Variants in KCNH5 observed in about 807,000 individuals in gnomAD.
KCNH5 encodes the protein voltage-gated delayed rectifier potassium channel KCNH5.
A neutral mutation model predicts 96.1 loss-of-function variants in KCNH5; 46 were observed. The observed-to-expected ratio is 0.48, with a 90% confidence interval of 0.38 to 0.61. The LOEUF is 0.61. Among genes scored for constraint, KCNH5 ranks in the 20% least tolerant of loss-of-function variants. The pLI, the probability that KCNH5 is intolerant of heterozygous loss-of-function variation, is 0.00. For missense variants in KCNH5, 907 were observed against 1,225.8 expected, an observed-to-expected ratio of 0.74 and a Z score of 3.88; for synonymous variants, 439 against 449.8, an observed-to-expected ratio of 0.98 and a Z score of 0.30.
chr14:62,818,109 C>CGGG (rs561437417), intron 8 of KCNH5, among the ~76,000 whole-genome samples: 30 of 36,110 alleles, frequency 8.3e-4, no homozygotes, highest in African/African-American at 2.7e-3. Context: ...GAGCTGGGGG[C>CGGG]GGGGGGGGGG....
intron 10 of KCNH5, among the ~76,000 whole-genome samples, chr14:62,733,278 C>T (rs139014947): frequency 7.9e-5 from 12 of 151,998 alleles, no homozygotes; most frequent in Non-Finnish European, 1.2e-4. Context: ...TATTTGAAGA[C>T]GAATTAGTCC....
At chr14:62,828,610 T>C (rs1210395722) in intron 8 of KCNH5, among the ~76,000 whole-genome samples, 1 of 152,146 alleles carries the variant, frequency 6.6e-6, no homozygotes, top group East Asian at 1.9e-4. Flanking sequence ...ACTCACTCAC[T>C]GTCATGAGAG....
chr14:62,737,336 G>C (rs752202480), intron 10 of KCNH5, among the ~76,000 whole-genome samples: 2 of 152,116 alleles, frequency 1.3e-5, no homozygotes, highest in Non-Finnish European at 2.9e-5. Flanking sequence ...TGCATGAATA[G>C]GTTATATCTT....
At chr14:62,940,558 T>C (rs1362037912) in intron 7 of KCNH5, among the ~76,000 whole-genome samples, 1 of 152,204 alleles carries the variant, frequency 6.6e-6, no homozygotes, top group Non-Finnish European at 1.5e-5. Context: ...CTTTTTGACA[T>C]CTTGGTTCTT....
rs578111225 is a variant in KCNH5 at position 62,716,600 on chromosome 14, C to T, written c.2020-8145G>A. Among the ~76,000 whole-genome samples, 114 of 152,276 alleles carry T rather than the reference C, an allele frequency of 7.5e-4. 1 individual carries two copies. The highest frequency in any genetic ancestry group is 2.7e-3 in the African/African-American group (111 of 41,540). ...GAACTCCTACTTGTCCTGTGATACT[C>T]AGCTCAACTGTGTCCTTCTTTATAA... On this transcript the variant is annotated intron_variant, in intron 10 of 10. Transcript: ENST00000322893.
At chr14:63,044,611 G>A (rs886275492) in intron 1 of KCNH5, among the ~76,000 whole-genome samples, 2 of 152,022 alleles carry the variant, frequency 1.3e-5, no homozygotes, top group African/African-American at 4.8e-5. Flanking sequence ...TACTCTCCCC[G>A]GCACAAAGCA....
intron 8 of KCNH5, among the ~76,000 whole-genome samples, chr14:62,803,537 C>T (rs1258132687): frequency 6.6e-6 from 1 of 152,090 alleles, no homozygotes; most frequent in Non-Finnish European, 1.5e-5. Flanking sequence ...GTATGGCAGT[C>T]CTTGTTCATT....
intron 7 of KCNH5, among the ~76,000 whole-genome samples, chr14:62,928,876 C>T (rs1889526483): frequency 6.6e-6 from 1 of 151,976 alleles, no homozygotes; most frequent in Admixed American, 6.6e-5. Context: ...GTGCTTAGAC[C>T]TCTTCTCTAT....
chr14:62,739,137 A>G (rs1297653877), intron 10 of KCNH5, among the ~76,000 whole-genome samples: 1 of 152,192 alleles, frequency 6.6e-6, no homozygotes, highest in Non-Finnish European at 1.5e-5. Context: ...TGTGAACATT[A>G]AAAATGTCAA....
intron 8 of KCNH5, among the ~76,000 whole-genome samples, chr14:62,828,105 T>G (rs531781547): frequency 6.6e-6 from 1 of 152,156 alleles, no homozygotes; most frequent in African/African-American, 2.4e-5. Flanking sequence ...ATTTATCTTC[T>G]GACCTTGATC....
At chr14:62,819,461 A>C (rs532906968) in intron 8 of KCNH5, among the ~76,000 whole-genome samples, 1 of 152,222 alleles carries the variant, frequency 6.6e-6, no homozygotes, top group African/African-American at 2.4e-5. Context: ...GGTGCAGGGG[A>C]GGTTGAAATA....
chr14:62,983,434 GTGTA>G (rs1449043374), intron 5 of KCNH5, among the ~76,000 whole-genome samples: 1 of 150,184 alleles, frequency 6.7e-6, no homozygotes, highest in Non-Finnish European at 1.5e-5. Context: ...GTGTGTGTGT[GTGTA>G]TATTATAACA....
rs765886514 is a variant in KCNH5, at chr14:62,797,079, G to A, written c.1822+5250C>T. ...CAAGATGTTTTCCTTTCACACCCAG[G>A]ACCAAAATTTTAAGAACACTGACTG... On this transcript the variant is annotated intron_variant, in intron 9 of 10. Coordinates refer to ENST00000322893, the MANE Select transcript of KCNH5 (RefSeq NM_139318.5). Among the ~76,000 whole-genome samples, 43 of 152,068 alleles carry A rather than the reference G, an allele frequency of 2.8e-4. No individual in the cohort carries two copies. The Middle Eastern group carries it at 0.014, about 48-fold the overall frequency.
chr14:62,828,633 G>A (rs1436753338), intron 8 of KCNH5, among the ~76,000 whole-genome samples: 1 of 152,082 alleles, frequency 6.6e-6, no homozygotes, highest in Non-Finnish European at 1.5e-5. Context: ...CAGCATGGAG[G>A]AAACTTCCCC....
chr14:62,964,855 A>G (rs1890275879), intron 6 of KCNH5, among the ~76,000 whole-genome samples: 1 of 152,030 alleles, frequency 6.6e-6, no homozygotes, highest in Non-Finnish European at 1.5e-5. Context: ...AATCATATTG[A>G]CCAACATCTC....
intron 7 of KCNH5, among the ~76,000 whole-genome samples, chr14:62,855,599 G>A (rs1414089696): frequency 6.6e-5 from 10 of 152,174 alleles, no homozygotes; most frequent in African/African-American, 2.4e-4. Context: ...AACACAGAGT[G>A]GTTCTCAATT....
At chr14:62,856,396 C>T (rs1258313309) in intron 7 of KCNH5, among the ~76,000 whole-genome samples, 1 of 152,162 alleles carries the variant, frequency 6.6e-6, no homozygotes, top group Admixed American at 6.5e-5. Context: ...GTGATATTGG[C>T]CTTAGGCTAA....
At chr14:62,826,133 G>A (rs951077946) in intron 8 of KCNH5, among the ~76,000 whole-genome samples, 1 of 151,986 alleles carries the variant, frequency 6.6e-6, no homozygotes, top group African/African-American at 2.4e-5. Flanking sequence ...GACTTAAAGT[G>A]GACTGAAAAT....
chr14:62,723,648 A>AAGC (rs1884862705), intron 10 of KCNH5, among the ~76,000 whole-genome samples: 1 of 152,206 alleles, frequency 6.6e-6, no homozygotes, highest in Non-Finnish European at 1.5e-5. Flanking sequence ...GTGTGGGGTG[A>AAGC]AAGTTTTTAA....
Sources: gnomAD v4.1 joint callset for allele counts (sites outside exome capture counted in the v4.1 genomes callset) on GRCh38, gnomAD v4.1.1 for gene constraint, MANE v1.5 for transcripts, NCBI Gene and HGNC (gene_info 2026-07-23, HGNC 2026-07-21) for gene names.